NCOR1: variants seen among roughly 807,000 people sequenced by gnomAD.
NCOR1 encodes nuclear receptor corepressor 1.
A neutral mutation model predicts 288.1 loss-of-function variants in NCOR1; 63 were observed. The ratio of observed to expected loss-of-function variants is 0.22; its 90% CI spans 0.18 to 0.27. The LOEUF (loss-of-function observed/expected upper bound fraction) is 0.27, where lower values mean the gene tolerates loss of function less well. Ranked by LOEUF, NCOR1 falls within the 10% of genes least tolerant of loss-of-function variation. The pLI is 1.00. For synonymous variants in NCOR1, 1,007 were observed against 1,065.9 expected, an observed-to-expected ratio of 0.94 and a Z score of 1.08; for missense variants, 2,397 against 3,019.2, an observed-to-expected ratio of 0.79 and a Z score of 4.83.
intron 3 of NCOR1, among the ~76,000 whole-genome samples, chr17:16,185,436 C>T (rs976794159): frequency 2.0e-5 from 3 of 151,766 alleles, no homozygotes; most frequent in African/African-American, 7.3e-5. Context: ...ATGATCCCAA[C>T]ACTTTGAGAG....
chr17:16,125,931 T>C (rs1476099714), intron 15 of NCOR1, 151 bp downstream of exon 15: 2 of 448,800 alleles, frequency 4.5e-6, no homozygotes, highest in Non-Finnish European at 7.7e-6. Context: ...ATGGGTATAA[T>C]GTACACTATT....
chr17:16,130,162 G>A (rs1033917165), intron 14 of NCOR1, among the ~76,000 whole-genome samples: 4 of 152,230 alleles, frequency 2.6e-5, no homozygotes, highest in African/African-American at 9.6e-5. Context: ...GGTGAGCGGA[G>A]AGGAAGTGCA....
At chr17:16,098,256 G>A in intron 21 of NCOR1, 111 bp downstream of exon 21, 1 of 1,061,192 alleles carries the variant, frequency 9.4e-7, no homozygotes, top group South Asian at 1.4e-5. Context: ...TTCATGTTAT[G>A]TTTTGTACCA....
At chr17:16,078,041 T>C (rs950451327) in intron 26 of NCOR1, among the ~76,000 whole-genome samples, 9 of 152,236 alleles carry the variant, frequency 5.9e-5, no homozygotes, top group Non-Finnish European at 1.2e-4. Flanking sequence ...ATTTTCACCA[T>C]CATCAATCCT....
At chr17:16,212,279 A>G (rs920013189) in intron 1 of NCOR1, among the ~76,000 whole-genome samples, 1 of 152,120 alleles carries the variant, frequency 6.6e-6, no homozygotes, top group African/African-American at 2.4e-5. Context: ...AGGAAAAAAA[A>G]AGAAAAAAAA....
intron 15 of NCOR1, among the ~76,000 whole-genome samples, chr17:16,124,427 G>T (rs765604468): frequency 6.6e-6 from 1 of 152,170 alleles, no homozygotes; most frequent in African/African-American, 2.4e-5. Context: ...GGAGCATATG[G>T]GAACCGTTTG....
chr17:16,054,908 G>A (rs1277435531), intron 40 of NCOR1, among the ~76,000 whole-genome samples: 1 of 152,118 alleles, frequency 6.6e-6, no homozygotes, highest in East Asian at 1.9e-4. Context: ...CTCTAGCCTG[G>A]GCAACAGGGC....
At chr17:16,081,900 A>G (rs1036581718) in intron 23 of NCOR1, among the ~76,000 whole-genome samples, 1 of 152,214 alleles carries the variant, frequency 6.6e-6, no homozygotes, top group African/African-American at 2.4e-5. Flanking sequence ...TATGCCTAGG[A>G]AAGACATGGG....
rs1282845414 is a variant in NCOR1 at position 16,070,191 on chromosome 17, G to A, written c.4487C>T (p.Ser1496Leu). ...VSYQNTMSRG[S>L]PMMNRTSDVT... ...ATCAGAAGTTCTGTTCATCATGGGT[G>A]AGCCTCTGGACATGGTGTTTTGATA... Residue 1496 changes from serine to leucine, a missense_variant, in exon 31 of 46, where the codon TCA (serine) becomes TTA (leucine). By Grantham distance (145) the Ser-to-Leu change is moderately radical (BLOSUM62 -2). Around this residue, in one of 11 missense-constraint regions of NCOR1, gnomAD observed 1,872 missense variants for 2,187.8 expected, o/e 0.86. Transcript: ENST00000268712. 1 of 1,612,566 alleles carries A rather than the reference G, an allele frequency of 6.2e-7. No homozygotes were observed. The highest frequency in any genetic ancestry group is 8.5e-7 in the Non-Finnish European group (1 of 1,179,646).
At chr17:16,060,836 A>G (rs2060477757) in intron 37 of NCOR1, among the ~76,000 whole-genome samples, 1 of 152,250 alleles carries the variant, frequency 6.6e-6, no homozygotes, top group East Asian at 1.9e-4. Context: ...AAGAAAATTT[A>G]AAAAGTAACT....
rs1469460933 is a variant in NCOR1 at position 16,070,341 on chromosome 17, G to A, written c.4337C>T (p.Ser1446Phe). ...AGAGCTTACCACTGACGTGTGCCGG[G>A]AACGCACGGTCTCGCCTGCTTTCAC... ...EDVKAGETVR[S>F]RHTSVVSSGP... is the part of the protein sequence containing the mutation. Residue 1446 changes from serine to phenylalanine, a missense_variant, in exon 31 of 46, where the codon TCC becomes TTC. Around this residue, in one of 11 missense-constraint regions of NCOR1, gnomAD observed 1,872 missense variants for 2,187.8 expected, o/e 0.86. Transcript: ENST00000268712. 6.2e-7 allele frequency: 1 copy of A among 1,614,088 alleles called. No homozygotes were observed. The highest frequency in any genetic ancestry group is 8.5e-7 in the Non-Finnish European group (1 of 1,180,028).
chr17:16,058,033 T>C lies in NCOR1; in HGVS notation c.6042A>G (p.Leu2014=). ...NDPTRQYEGP[L]HHYRPQQESP... ...ATTCCTGCTGTGGTCGATAGTGATGTAATGGTCCTTCATATTGTCTGGTAG... is the reference window on the plus strand; with the variant it reads ...ATTCCTGCTGTGGTCGATAGTGATGCAATGGTCCTTCATATTGTCTGGTAG... The change falls in exon 39 of 46, where the codon TTA becomes TTG. Residue 2014 remains leucine (L), a synonymous_variant. Coordinates refer to ENST00000268712, the MANE Select transcript of NCOR1 (RefSeq NM_006311.4). The C allele has an allele frequency of 6.2e-7, 1 of 1,614,162 alleles. No homozygotes were observed. Among genetic ancestry groups the C allele is most frequent in the Non-Finnish European group, 8.5e-7 (1 of 1,180,012 alleles).
chr17:16,068,153 TAAG>T, intron 31 of NCOR1, 32 bp from the exon 32 acceptor site: 1 of 1,494,646 alleles, frequency 6.7e-7, no homozygotes, highest in Non-Finnish European at 9.2e-7. Flanking sequence ...CACAAGTTCT[TAAG>T]AAACTTGCAA....
chr17:16,173,992 G>A lies in NCOR1; in HGVS notation c.243-1997C>T, dbSNP rs540650863. Among the ~76,000 whole-genome samples, 7 of 151,046 alleles carry A rather than the reference G, an allele frequency of 4.6e-5. No individual in the cohort carries two copies. The South Asian group carries it at 1.2e-3, about 27-fold the overall frequency. The stretch of plus-strand genomic sequence containing the variant: ...AAAGAACATAGCTAGGAATAAATAT[G>A]ACCAAGGAGGCTTATGACTTTAAAC... On this transcript the variant is annotated intron_variant, in intron 3 of 45. Coordinates refer to ENST00000268712, the MANE Select transcript of NCOR1 (RefSeq NM_006311.4).
chr17:16,137,611 C>A (rs115824964), intron 13 of NCOR1, among the ~76,000 whole-genome samples, 199 bp from the exon 14 acceptor site: 1 of 152,172 alleles, frequency 6.6e-6, no homozygotes, highest in Admixed American at 6.5e-5. Context: ...TAGACAGTTA[C>A]AGTTGTTAAT....
intron 1 of NCOR1, among the ~76,000 whole-genome samples, chr17:16,206,800 A>T (rs1270814811): frequency 2.0e-5 from 3 of 152,230 alleles, no homozygotes; most frequent in Non-Finnish European, 2.9e-5. Context: ...AGAATAGTAC[A>T]TTATGATCCC....
At chr17:16,055,905 G>A (rs953238860) in intron 40 of NCOR1, among the ~76,000 whole-genome samples, 2 of 152,034 alleles carry the variant, frequency 1.3e-5, no homozygotes, top group East Asian at 1.9e-4. Flanking sequence ...GACTAAGTCC[G>A]AGATTTGCTT....
At chr17:16,153,579 T>C (rs1190744657) in intron 6 of NCOR1, among the ~76,000 whole-genome samples, 184 bp from the exon 7 acceptor site, 3 of 152,182 alleles carry the variant, frequency 2.0e-5, no homozygotes, top group African/African-American at 7.2e-5. Flanking sequence ...TCTTAATTTG[T>C]AGTTACAATG....
chr17:16,082,025 T>C (rs938745995), intron 23 of NCOR1, among the ~76,000 whole-genome samples: 2 of 152,218 alleles, frequency 1.3e-5, no homozygotes, highest in African/African-American at 4.8e-5. Flanking sequence ...CAGCAAAGGC[T>C]GATTTTACTG....
Sources: gnomAD v4.1 joint callset for allele counts (sites outside exome capture counted in the v4.1 genomes callset) on GRCh38, gnomAD v4.1.1 for gene constraint, gnomAD v4.1.1 regional missense constraint, MANE v1.5 for transcripts, NCBI Gene and HGNC (gene_info 2026-07-23, HGNC 2026-07-21) for gene names.